CHAF1A: variants seen among roughly 807,000 people sequenced by gnomAD.
CHAF1A encodes CAF-1 subunit A.
In CHAF1A, 5 loss-of-function variants were observed where a neutral mutation model predicts 93.2. That is an observed-to-expected ratio of 0.05 (90% CI 0.03 to 0.11). The LOEUF is 0.11. Among genes scored for constraint, CHAF1A ranks in the 10% least tolerant of loss-of-function variants. The pLI is 1.00. For missense variants in CHAF1A, 1,102 were observed against 1,259.9 expected, an observed-to-expected ratio of 0.87 and a Z score of 1.90; for synonymous variants, 504 against 510.3, an observed-to-expected ratio of 0.99 and a Z score of 0.17.
At chr19:4,434,324 C>A (rs573625789) in intron 13 of CHAF1A, among the ~76,000 whole-genome samples, 1 of 152,098 alleles carries the variant, frequency 6.6e-6, no homozygotes, top group East Asian at 1.9e-4. Flanking sequence ...GCAACCTGGG[C>A]GACAGAGCAA....
chr19:4,427,249 A>G (rs1974102081), intron 7 of CHAF1A, among the ~76,000 whole-genome samples: 1 of 138,618 alleles, frequency 7.2e-6, no homozygotes, highest in African/African-American at 2.7e-5. Flanking sequence ...TCCCAGATCC[A>G]AACGATTCTC....
intron 3 of CHAF1A, among the ~76,000 whole-genome samples, chr19:4,410,253 T>C (rs1973768858): frequency 6.6e-6 from 1 of 152,002 alleles, no homozygotes; most frequent in Non-Finnish European, 1.5e-5. Context: ...CTTAAAAACC[T>C]TACCTGGGGC....
At chr19:4,446,114 G>A (rs758300696), downstream of CHAF1A, 1 of 1,612,638 alleles carries the variant, frequency 6.2e-7, no homozygotes, top group Non-Finnish European at 8.5e-7. Context: ...GAGGCCAGCA[G>A]CTCAAAAGGC....
At chr19:4,427,449 C>G (rs1974105490) in intron 7 of CHAF1A, among the ~76,000 whole-genome samples, 1 of 144,154 alleles carries the variant, frequency 6.9e-6, no homozygotes, top group African/African-American at 2.6e-5. Flanking sequence ...TCTCCTGCCT[C>G]AGGCCCAGGC....
intron 3 of CHAF1A, among the ~76,000 whole-genome samples, chr19:4,410,006 G>T (rs117520996): frequency 0.033 from 4,998 of 152,282 alleles, 132 homozygotes; most frequent in Non-Finnish European, 0.048. Flanking sequence ...ACACCCTGCT[G>T]TTTTGCCTTC....
At position 4,409,009 on chromosome 19, in the gene CHAF1A, C is replaced by T. The variant is rs2230633; in HGVS notation, c.210C>T (p.Ala70=). ...SVQSKSPDLE[A]SLDTLENNCH... is the part of the protein sequence containing the mutation. The stretch of plus-strand genomic sequence containing the variant: ...AAAGTAAAAGCCCCGATTTAGAGGC[C>T]TCTTTGGACACCTTGGAAAACAACT... Residue 70 remains alanine (A), a synonymous_variant, in exon 3 of 15, where the codon GCC becomes GCT. Coordinates refer to ENST00000301280, the MANE Select transcript of CHAF1A (RefSeq NM_005483.3). The T allele has an allele frequency of 1.5e-5, 25 of 1,614,184 alleles. No individual in the cohort carries two copies. The South Asian group carries it at 2.5e-4, about 16-fold the overall frequency.
At chr19:4,445,302 C>G (rs1974482246), downstream of CHAF1A, 3 of 895,010 alleles carry the variant, frequency 3.4e-6, no homozygotes, top group Non-Finnish European at 5.1e-6. Flanking sequence ...GGCTTGGGCG[C>G]ATCCCCACAG....
rs750776567 is a variant in CHAF1A, at chr19:4,428,854, C to T, written c.1568C>T (p.Thr523Met). The change falls in exon 8 of 15, where the codon ACG becomes ATG. Residue 523 changes from threonine (T) to methionine (M), a missense_variant. Thr to Met is a moderately conservative substitution (Grantham distance 81). Around this residue, in one of 6 missense-constraint regions of CHAF1A, gnomAD observed 165 missense variants for 243.9 expected, o/e 0.68. Coordinates refer to ENST00000301280, the MANE Select transcript of CHAF1A (RefSeq NM_005483.3). ...KGRQPLRSGP[T>M]HVSTRNADIF... ...CGGCAGCCCCTGAGGTCCGGACCCA[C>T]GCACGTTTCCACCCGGAATGCAGAT... is the stretch of plus-strand genomic sequence containing the variant. 3.1e-6 allele frequency: 5 copies of T among 1,613,842 alleles called. No individual in the cohort carries two copies. The highest frequency in any genetic ancestry group is 2.2e-5 in the South Asian group (2 of 91,082).
At chr19:4,438,249 A>G (rs986486709) in intron 13 of CHAF1A, among the ~76,000 whole-genome samples, 3 of 152,072 alleles carry the variant, frequency 2.0e-5, no homozygotes, top group South Asian at 2.1e-4. Flanking sequence ...TTGTGTCCAC[A>G]TGTTCTTATA....
At chr19:4,440,861 T>C (rs1974374141) in intron 13 of CHAF1A, among the ~76,000 whole-genome samples, 1 of 152,144 alleles carries the variant, frequency 6.6e-6, no homozygotes, top group South Asian at 2.1e-4. Flanking sequence ...GGCTCATGCC[T>C]GTAATCCCAG....
At chr19:4,421,082 T>C (rs1014130410) in intron 4 of CHAF1A, among the ~76,000 whole-genome samples, 2 of 151,956 alleles carry the variant, frequency 1.3e-5, no homozygotes, top group Non-Finnish European at 2.9e-5. Context: ...AAATAAATAA[T>C]GTTTTTTTGT....
rs1048018589 is a variant in CHAF1A at position 4,428,573 on chromosome 19, A to G, written c.1378-91A>G. 10 of 1,153,308 alleles carry G rather than the reference A, an allele frequency of 8.7e-6. No homozygotes were observed. The African/African-American group carries it at 1.5e-4, about 18-fold the overall frequency. The allele number at this position is 1,153,308 out of a possible 1,614,324, so 71.4% of individuals were successfully genotyped here. A position where few individuals can be genotyped will look rare whatever the true frequency, so the allele number is the denominator to read the frequency against. On this transcript the variant is annotated intron_variant, in intron 7 of 14. Transcript: ENST00000301280. Reference sequence around the variant, plus strand: ...AGTCTGTGCCTTGGCCTTAGCCTGGATGAATCCCACCAGCACCCTGCTGTG... The same window carrying G: ...AGTCTGTGCCTTGGCCTTAGCCTGGGTGAATCCCACCAGCACCCTGCTGTG...
intron 4 of CHAF1A, among the ~76,000 whole-genome samples, chr19:4,419,029 A>ATTTTTTTTTTTTTTTTTTTT (rs11406470): frequency 6.2e-5 from 6 of 96,474 alleles, no homozygotes; most frequent in Non-Finnish European, 9.6e-5. Flanking sequence ...TAGCCAGCTA[A>ATTTTTTTTTTTTTTTTTTTT]TTTTTTTTTT....
intron 1 of CHAF1A, among the ~76,000 whole-genome samples, chr19:4,405,563 G>A (rs1004283039): frequency 6.6e-6 from 1 of 150,726 alleles, no homozygotes; most frequent in South Asian, 2.1e-4. Flanking sequence ...AGCTGAGACT[G>A]TGCCATTGCA....
intron 3 of CHAF1A, among the ~76,000 whole-genome samples, chr19:4,410,539 C>G (rs1973776789): frequency 1.3e-5 from 2 of 152,062 alleles, no homozygotes; most frequent in Non-Finnish European, 2.9e-5. Flanking sequence ...CACCACCACA[C>G]TTGGCTAATT....
chr19:4,421,145 G>A (rs1001773874), intron 4 of CHAF1A, among the ~76,000 whole-genome samples: 9 of 152,158 alleles, frequency 5.9e-5, no homozygotes, highest in East Asian at 1.9e-4. Context: ...GTGCCGTGGC[G>A]TGATCTTGAA....
rs747158271 is a variant in CHAF1A at position 4,402,676 on chromosome 19, C to CAGCA, written c.-87_-86insAGCA. ...GCGGCGGCCGCGGCGGCAGCAGCGG[C>CAGCA]GCGGGCGGGAGGGCGAAGAGCAGCG... is the stretch of plus-strand genomic sequence containing the variant. On this transcript the variant is annotated 5_prime_UTR_variant, in exon 1 of 15. Transcript: ENST00000301280. 5 of 896,386 alleles carry CAGCA rather than the reference C, an allele frequency of 5.6e-6. No individual in the cohort carries two copies. Among genetic ancestry groups the CAGCA allele is most frequent in the African/African-American group, 3.5e-5 (2 of 56,864 alleles). The allele number at this position is 896,386 out of a possible 1,614,324, so 55.5% of individuals were successfully genotyped here.
At chr19:4,410,958 A>G (rs1973786520) in intron 3 of CHAF1A, among the ~76,000 whole-genome samples, 1 of 152,234 alleles carries the variant, frequency 6.6e-6, no homozygotes, top group African/African-American at 2.4e-5. Context: ...CCAAACTGAT[A>G]AAATCAGTCA....
Position 4,409,756 on chromosome 19 carries a change from C to T in CHAF1A, c.957C>T (p.Arg319=). ...TSPFPTSTPL[R]RITKKFVKGS... ...CCTTCCCCACCTCCACGCCCCTCCG[C>T]AGAGTGAGTATCTCCCATGGAGTCC... Residue 319 remains arginine (R), a synonymous_variant, in exon 3 of 15, where the codon CGC becomes CGT. Transcript: ENST00000301280. The T allele has an allele frequency of 1.2e-6, 2 of 1,606,426 alleles. No individual in the cohort carries two copies. Among genetic ancestry groups the T allele is most frequent in the Non-Finnish European group, 8.5e-7 (1 of 1,174,880 alleles).
Sources: allele counts gnomAD v4.1 joint callset (sites outside exome capture counted in the v4.1 genomes callset), GRCh38; gene constraint gnomAD v4.1.1; regional missense constraint gnomAD v4.1.1; transcripts MANE v1.5; gene names NCBI Gene and HGNC (gene_info 2026-07-23, HGNC 2026-07-21).